Variants in FSTL5 observed in about 807,000 individuals in gnomAD.
FSTL5 encodes follistatin like 5, also known as follistatin-related protein 5.
A neutral mutation model predicts 89.1 loss-of-function variants in FSTL5; 62 were observed. That is an observed-to-expected ratio of 0.70 (90% CI 0.57 to 0.86). FSTL5 has a LOEUF of 0.86. Ranked by LOEUF, FSTL5 falls within the 40% of genes least tolerant of loss-of-function variation. The pLI, the probability that FSTL5 is intolerant of heterozygous loss-of-function variation, is 0.00. For missense variants in FSTL5, 1,057 were observed against 1,001.6 expected, an observed-to-expected ratio of 1.06 and a Z score of -0.75; for synonymous variants, 383 against 346.2, an observed-to-expected ratio of 1.11 and a Z score of -1.18.
chr4:161,854,389 A>G (rs1185211854), intron 4 of FSTL5, among the ~76,000 whole-genome samples: 1 of 152,194 alleles, frequency 6.6e-6, no homozygotes, highest in African/African-American at 2.4e-5. Context: ...CAGTTATCTC[A>G]ATGAGTATTG....
chr4:161,926,233 G>C (rs1216017576), intron 3 of FSTL5, among the ~76,000 whole-genome samples: 4 of 151,774 alleles, frequency 2.6e-5, no homozygotes, highest in Non-Finnish European at 5.9e-5. Flanking sequence ...AAAAAAGGCT[G>C]CCTGACTAAA....
intron 12 of FSTL5, among the ~76,000 whole-genome samples, chr4:161,492,701 A>G (rs986769479): frequency 1.1e-4 from 16 of 152,038 alleles, no homozygotes; most frequent in African/African-American, 3.6e-4. Flanking sequence ...ACATAGAAAA[A>G]ACGAGTTGTA....
intron 8 of FSTL5, among the ~76,000 whole-genome samples, chr4:161,566,558 T>C (rs750141604): frequency 3.9e-5 from 6 of 152,118 alleles, no homozygotes; most frequent in Non-Finnish European, 8.8e-5. Context: ...GCTGTACTAA[T>C]TGACATTCCC....
At chr4:161,901,978 T>A (rs959597873) in intron 4 of FSTL5, among the ~76,000 whole-genome samples, 6 of 152,130 alleles carry the variant, frequency 3.9e-5, no homozygotes, top group African/African-American at 1.4e-4. Context: ...TTTATAAAAA[T>A]TAAAGCCAAA....
chr4:162,011,396 CA>C (rs1736762744), intron 3 of FSTL5, among the ~76,000 whole-genome samples: 1 of 152,104 alleles, frequency 6.6e-6, no homozygotes, highest in African/African-American at 2.4e-5. Flanking sequence ...CTAACAGTAA[CA>C]AAAATCATAT....
At chr4:161,473,933 G>A (rs950713184) in intron 13 of FSTL5, among the ~76,000 whole-genome samples, 1 of 152,068 alleles carries the variant, frequency 6.6e-6, no homozygotes, top group South Asian at 2.1e-4. Flanking sequence ...ATTAAATAAT[G>A]TAAGCCATTT....
At chr4:161,790,818 T>C (rs1729446268) in intron 4 of FSTL5, among the ~76,000 whole-genome samples, 1 of 152,194 alleles carries the variant, frequency 6.6e-6, no homozygotes, top group Non-Finnish European at 1.5e-5. Flanking sequence ...ATATTTCACT[T>C]TTTTCTCATT....
At chr4:161,584,295 A>G (rs979277414) in intron 8 of FSTL5, among the ~76,000 whole-genome samples, 4 of 152,164 alleles carry the variant, frequency 2.6e-5, no homozygotes, top group Non-Finnish European at 5.9e-5. Context: ...ATGCTCCTAC[A>G]CTGTGAATCT....
At chr4:162,113,142 A>T (rs2111412233) in intron 1 of FSTL5, among the ~76,000 whole-genome samples, 1 of 152,220 alleles carries the variant, frequency 6.6e-6, no homozygotes, top group South Asian at 2.1e-4. Flanking sequence ...CTAGATTGGT[A>T]TATCTTGCTT....
chr4:161,860,266 C>T (rs1010664193), intron 4 of FSTL5, among the ~76,000 whole-genome samples: 20 of 149,554 alleles, frequency 1.3e-4, no homozygotes, highest in African/African-American at 3.0e-4. Context: ...CCAGCCTAGG[C>T]GACAGAGCGA....
At chr4:161,403,540 A>T (rs1421386415) in intron 15 of FSTL5, among the ~76,000 whole-genome samples, 2 of 152,154 alleles carry the variant, frequency 1.3e-5, no homozygotes, top group East Asian at 3.9e-4. Context: ...GTGTTTGAGA[A>T]TATAATTTAT....
chr4:161,786,204 A>G (rs1202452604), intron 4 of FSTL5, among the ~76,000 whole-genome samples: 1 of 152,070 alleles, frequency 6.6e-6, no homozygotes, highest in Non-Finnish European at 1.5e-5. Flanking sequence ...TAATATCAAC[A>G]TTCATAGCAT....
chr4:161,940,392 TC>T (rs1168840729), intron 3 of FSTL5, among the ~76,000 whole-genome samples: 2 of 151,294 alleles, frequency 1.3e-5, no homozygotes, highest in Non-Finnish European at 3.0e-5. Context: ...AAGCAAAATC[TC>T]CCCAAATTTG....
chr4:161,763,271 G>T (rs115337291), intron 5 of FSTL5, among the ~76,000 whole-genome samples: 1,903 of 152,114 alleles, frequency 0.013, 41 homozygotes, highest in African/African-American at 0.042. Flanking sequence ...GGAGAGCAAA[G>T]AAATATAGTA....
chr4:161,568,484 C>A (rs1732894108), intron 8 of FSTL5, among the ~76,000 whole-genome samples: 1 of 152,088 alleles, frequency 6.6e-6, no homozygotes. Context: ...CCGCAGGTGG[C>A]TTTGGGTCTT....
chr4:161,875,580 G>A (rs1027451783), intron 4 of FSTL5, among the ~76,000 whole-genome samples: 2 of 152,158 alleles, frequency 1.3e-5, no homozygotes, highest in Non-Finnish European at 2.9e-5. Context: ...GGGCCCTTGA[G>A]CCACTGGTCG....
chr4:161,570,217 G>C (rs1027960258), intron 8 of FSTL5, among the ~76,000 whole-genome samples: 4 of 152,164 alleles, frequency 2.6e-5, no homozygotes, highest in African/African-American at 4.8e-5. Context: ...GTGAAGAGCA[G>C]GTGGGGGCAT....
chr4:161,693,686 C>T (rs867403378), intron 6 of FSTL5, among the ~76,000 whole-genome samples: 28 of 131,282 alleles, frequency 2.1e-4, no homozygotes, highest in African/African-American at 6.7e-4. Flanking sequence ...TCGCCCAGGC[C>T]GGAGTGCAGT....
At chr4:161,490,193 C>T (rs1729816951) in intron 12 of FSTL5, among the ~76,000 whole-genome samples, 1 of 151,946 alleles carries the variant, frequency 6.6e-6, no homozygotes. Context: ...CATAAAAAAT[C>T]GAAAACAAAC....
Sources: gnomAD v4.1 joint callset for allele counts (sites outside exome capture counted in the v4.1 genomes callset) on GRCh38, gnomAD v4.1.1 for gene constraint, MANE v1.5 for transcripts, NCBI Gene and HGNC (gene_info 2026-07-23, HGNC 2026-07-21) for gene names.